The following LRRTM4 variants were observed in gnomAD, a reference collection of about 807,000 sequenced individuals.
LRRTM4 encodes the protein leucine-rich repeat transmembrane neuronal protein 4.
Under a neutral mutation model 47.6 loss-of-function variants are expected in LRRTM4, and 25 were observed. The observed-to-expected ratio is 0.53, with a 90% confidence interval of 0.38 to 0.73. The LOEUF (loss-of-function observed/expected upper bound fraction) is 0.73, where lower values mean the gene tolerates loss of function less well. LRRTM4 is among the 30% of genes least tolerant of loss of function. The probability of loss-of-function intolerance (pLI) is 0.00; values close to 1 mark genes in which losing one functional copy is unlikely to be tolerated. For synonymous variants in LRRTM4, 311 were observed against 269.5 expected, an observed-to-expected ratio of 1.15 and a Z score of -1.51; for missense variants, 638 against 713.4, an observed-to-expected ratio of 0.89 and a Z score of 1.20.
At chr2:77,024,231 G>A (rs1470184797) in intron 3 of LRRTM4, among the ~76,000 whole-genome samples, 2 of 152,130 alleles carry the variant, frequency 1.3e-5, no homozygotes, top group Non-Finnish European at 2.9e-5. Flanking sequence ...TGAGATTTGG[G>A]TGGGGGCACA....
At chr2:77,143,145 C>A (rs982020543) in intron 3 of LRRTM4, among the ~76,000 whole-genome samples, 3 of 152,092 alleles carry the variant, frequency 2.0e-5, no homozygotes, top group African/African-American at 7.2e-5. Flanking sequence ...TTACCATTAT[C>A]CTATGAGGCT....
At chr2:77,464,727 G>A (rs1676918453) in intron 3 of LRRTM4, among the ~76,000 whole-genome samples, 1 of 151,996 alleles carries the variant, frequency 6.6e-6, no homozygotes, top group Non-Finnish European at 1.5e-5. Flanking sequence ...TCCATTCCTT[G>A]ATAGGATTGC....
intron 3 of LRRTM4, among the ~76,000 whole-genome samples, chr2:77,395,382 G>T (rs183860367): frequency 3.6e-4 from 54 of 152,014 alleles, no homozygotes; most frequent in Admixed American, 5.9e-4. Flanking sequence ...TAATGAGGTA[G>T]GTATTAATGT....
chr2:76,808,134 C>T (rs1342425861), intron 3 of LRRTM4, among the ~76,000 whole-genome samples: 1 of 151,766 alleles, frequency 6.6e-6, no homozygotes, highest in East Asian at 1.9e-4. Flanking sequence ...ATTCTCCTGC[C>T]TCAGCCTTAC....
intron 3 of LRRTM4, among the ~76,000 whole-genome samples, chr2:76,838,276 G>A (rs1050592382): frequency 1.3e-5 from 2 of 151,906 alleles, no homozygotes; most frequent in Non-Finnish European, 2.9e-5. Context: ...GACTTATACT[G>A]AAGCACATTT....
At chr2:77,083,164 T>G (rs1476811098) in intron 3 of LRRTM4, among the ~76,000 whole-genome samples, 1 of 152,164 alleles carries the variant, frequency 6.6e-6, no homozygotes, top group Admixed American at 6.5e-5. Context: ...TAATTTTCCA[T>G]AAAACAATTG....
chr2:77,465,512 A>C (rs1365432147), intron 3 of LRRTM4, among the ~76,000 whole-genome samples: 1 of 152,136 alleles, frequency 6.6e-6, no homozygotes, highest in Admixed American at 6.6e-5. Flanking sequence ...TTTGTATTTA[A>C]AAGCAAACAT....
intron 3 of LRRTM4, among the ~76,000 whole-genome samples, chr2:76,798,966 A>G (rs1675511260): frequency 6.6e-6 from 1 of 151,188 alleles, no homozygotes; most frequent in Admixed American, 6.6e-5. Flanking sequence ...TCAATAGCTT[A>G]CCAACCAAAA....
intron 3 of LRRTM4, among the ~76,000 whole-genome samples, chr2:77,296,126 C>T (rs1250320439): frequency 1.3e-5 from 2 of 152,214 alleles, no homozygotes; most frequent in Admixed American, 1.3e-4. Flanking sequence ...ATTTCTTAAG[C>T]CTTTAAACTT....
At chr2:76,767,694 T>C (rs1558639521) in intron 3 of LRRTM4, among the ~76,000 whole-genome samples, 1 of 152,030 alleles carries the variant, frequency 6.6e-6, no homozygotes, top group African/African-American at 2.4e-5. Flanking sequence ...CATTTTCTCT[T>C]TCTTTTACTT....
chr2:77,044,910 G>A (rs543989773), intron 3 of LRRTM4, among the ~76,000 whole-genome samples: 36 of 151,670 alleles, frequency 2.4e-4, no homozygotes, highest in African/African-American at 8.4e-4. Context: ...TATGTAGATA[G>A]GTGTTTGTGT....
chr2:76,910,836 G>A (rs562388512), intron 3 of LRRTM4, among the ~76,000 whole-genome samples: 15 of 152,224 alleles, frequency 9.9e-5, no homozygotes, highest in African/African-American at 3.4e-4. Context: ...TCTTGATTAT[G>A]TCATTAGAGC....
chr2:76,754,323 G>T (rs879636350), intron 3 of LRRTM4, among the ~76,000 whole-genome samples: 7 of 151,988 alleles, frequency 4.6e-5, no homozygotes, highest in African/African-American at 1.4e-4. Flanking sequence ...TTGGGTACTG[G>T]TTTTTTTCAA....
chr2:77,204,080 T>A (rs545541433), intron 3 of LRRTM4, among the ~76,000 whole-genome samples: 1 of 152,226 alleles, frequency 6.6e-6, no homozygotes, highest in African/African-American at 2.4e-5. Flanking sequence ...GCAGCATAGG[T>A]CACCCTTTGT....
At chr2:76,954,241 T>C (rs1425599671) in intron 3 of LRRTM4, among the ~76,000 whole-genome samples, 1 of 151,662 alleles carries the variant, frequency 6.6e-6, no homozygotes, top group Non-Finnish European at 1.5e-5. Context: ...TCTAGGGAAA[T>C]AGATGTATAT....
intron 3 of LRRTM4, among the ~76,000 whole-genome samples, chr2:76,945,607 A>T (rs1313576607): frequency 6.6e-6 from 1 of 152,064 alleles, no homozygotes; most frequent in Non-Finnish European, 1.5e-5. Context: ...AAAGTCCTGC[A>T]TATATATACT....
intron 3 of LRRTM4, among the ~76,000 whole-genome samples, chr2:77,361,191 T>C (rs2104315938): frequency 6.6e-6 from 1 of 152,086 alleles, no homozygotes; most frequent in East Asian, 1.9e-4. Context: ...CTCATGTGTT[T>C]CACCCACTCA....
intron 3 of LRRTM4, among the ~76,000 whole-genome samples, chr2:76,995,922 T>C (rs976829704): frequency 6.6e-6 from 1 of 152,164 alleles, no homozygotes; most frequent in South Asian, 2.1e-4. Context: ...ACTAGTAACT[T>C]AAGAATACTA....
intron 3 of LRRTM4, among the ~76,000 whole-genome samples, chr2:77,070,433 CAT>C (rs1479449847): frequency 1.3e-5 from 2 of 152,082 alleles, no homozygotes; most frequent in Admixed American, 6.6e-5. Flanking sequence ...AAAGATAAAA[CAT>C]AAATGACCAA....
Sources: gnomAD v4.1 joint callset for allele counts (sites outside exome capture counted in the v4.1 genomes callset) on GRCh38, gnomAD v4.1.1 for gene constraint, MANE v1.5 for transcripts, NCBI Gene and HGNC (gene_info 2026-07-23, HGNC 2026-07-21) for gene names.